Variants in SLX4IP observed in about 807,000 individuals in gnomAD.
SLX4IP encodes protein SLX4IP.
SLX4IP carries 34 observed loss-of-function variants against 32.9 expected under a neutral mutation model. The ratio of observed to expected loss-of-function variants is 1.03; its 90% CI spans 0.79 to 1.38. The LOEUF is 1.38. Ranked by LOEUF, SLX4IP falls within the 40% of genes most tolerant of loss-of-function variation. The pLI, the probability that SLX4IP is intolerant of heterozygous loss-of-function variation, is 0.00. For missense variants in SLX4IP, 444 were observed against 479.0 expected, an observed-to-expected ratio of 0.93 and a Z score of 0.68; for synonymous variants, 172 against 171.7, an observed-to-expected ratio of 1.00 and a Z score of -0.01.
At chr20:10,480,522 G>T (rs761259226) in intron 2 of SLX4IP, among the ~76,000 whole-genome samples, 7 of 152,070 alleles carry the variant, frequency 4.6e-5, no homozygotes, top group Non-Finnish European at 8.8e-5. Flanking sequence ...ATTAAAGGTA[G>T]AAATACTTTT....
At chr20:10,525,942 G>A (rs2065936779) in intron 2 of SLX4IP, among the ~76,000 whole-genome samples, 2 of 152,114 alleles carry the variant, frequency 1.3e-5, no homozygotes, top group African/African-American at 4.8e-5. Context: ...AAGGACTTGG[G>A]GGTCTCCTGA....
chr20:10,475,218 A>T (rs930360713), intron 2 of SLX4IP, among the ~76,000 whole-genome samples: 2 of 152,238 alleles, frequency 1.3e-5, no homozygotes, highest in Admixed American at 6.5e-5. Context: ...TATTGAGGTC[A>T]TGCATAGAAT....
At chr20:10,544,979 T>A (rs2066148106) in intron 2 of SLX4IP, among the ~76,000 whole-genome samples, 1 of 152,128 alleles carries the variant, frequency 6.6e-6, no homozygotes, top group East Asian at 1.9e-4. Context: ...CAGAATCACC[T>A]GGAGGGCTTG....
intron 4 of SLX4IP, among the ~76,000 whole-genome samples, chr20:10,591,583 G>T (rs912194568): frequency 6.6e-6 from 1 of 152,150 alleles, no homozygotes; most frequent in Admixed American, 6.6e-5. Flanking sequence ...TGTTTCTTTT[G>T]TGTATAGTTA....
intron 2 of SLX4IP, among the ~76,000 whole-genome samples, chr20:10,511,692 G>A (rs1011520345): frequency 1.3e-5 from 2 of 152,186 alleles, no homozygotes; most frequent in African/African-American, 4.8e-5. Flanking sequence ...CTTGGAAAAC[G>A]TAAGGACCCA....
intron 2 of SLX4IP, among the ~76,000 whole-genome samples, chr20:10,551,198 T>C (rs1343291475): frequency 2.0e-5 from 3 of 152,332 alleles, no homozygotes; most frequent in South Asian, 2.1e-4. Flanking sequence ...AGGAAAGAGA[T>C]AGGAAAAATA....
chr20:10,608,124 A>T (rs950766430), intron 6 of SLX4IP, among the ~76,000 whole-genome samples: 12 of 152,120 alleles, frequency 7.9e-5, no homozygotes, highest in African/African-American at 2.7e-4. Flanking sequence ...TCCATTGATG[A>T]ACCCTTTGAT....
In SLX4IP at chr20:10,624,193, G is replaced by A. The variant is rs55701046; in HGVS notation, c.*814G>A. 0.18 allele frequency: 26,979 copies of A among 152,216 alleles called. 2,628 individuals carry two copies. Among genetic ancestry groups the A allele is most frequent in the South Asian group, 0.23 (1,090 of 4,814 alleles). 9.4% of individuals were successfully genotyped at this position (152,216 alleles called of 1,614,324 possible). A position where few individuals can be genotyped will look rare whatever the true frequency, so the allele number is the denominator to read the frequency against. On this transcript the variant is annotated 3_prime_UTR_variant, in exon 8 of 8. Coordinates refer to ENST00000334534, the MANE Select transcript of SLX4IP (RefSeq NM_001009608.3). Reference sequence around the variant, plus strand: ...CTTATAATTGTTGAAGTCGATGGGCGATTCTGCCCAACCTTAGGAGAAGAC... The same window carrying A: ...CTTATAATTGTTGAAGTCGATGGGCAATTCTGCCCAACCTTAGGAGAAGAC...
chr20:10,559,732 C>G (rs975583439), intron 3 of SLX4IP, among the ~76,000 whole-genome samples: 9 of 152,106 alleles, frequency 5.9e-5, no homozygotes, highest in African/African-American at 2.2e-4. Flanking sequence ...AACAATTGAC[C>G]TATCCTGAAA....
chr20:10,499,235 C>T (rs1307711374), intron 2 of SLX4IP, among the ~76,000 whole-genome samples: 5 of 152,102 alleles, frequency 3.3e-5, no homozygotes, highest in African/African-American at 1.2e-4. Context: ...AGACACTTGT[C>T]TATCTTTGAA....
intron 2 of SLX4IP, among the ~76,000 whole-genome samples, chr20:10,540,280 G>A (rs1028431076): frequency 3.3e-5 from 5 of 151,298 alleles, no homozygotes; most frequent in African/African-American, 9.7e-5. Context: ...TTAACAAGCC[G>A]TCCTGGTGAA....
chr20:10,494,519 G>A (rs893168635), intron 2 of SLX4IP, among the ~76,000 whole-genome samples: 2 of 151,570 alleles, frequency 1.3e-5, no homozygotes, highest in Non-Finnish European at 2.9e-5. Context: ...TTGAGTTATA[G>A]TTTTCTCTTT....
chr20:10,601,672 C>G, intron 5 of SLX4IP, 59 bp from the exon 6 acceptor site: 1 of 1,423,192 alleles, frequency 7.0e-7, no homozygotes, highest in Non-Finnish European at 9.9e-7. Flanking sequence ...TCTGGAACAA[C>G]CATTCTGTGT....
chr20:10,613,782 T>C, intron 6 of SLX4IP: 1 of 1,613,676 alleles, frequency 6.2e-7, no homozygotes, highest in Non-Finnish European at 8.5e-7. Flanking sequence ...AAGCACAGAC[T>C]CCATGATCTG....
chr20:10,533,302 C>CT (rs1472651984), intron 2 of SLX4IP, among the ~76,000 whole-genome samples: 1 of 152,088 alleles, frequency 6.6e-6, no homozygotes, highest in Non-Finnish European at 1.5e-5. Context: ...TGAAACATCT[C>CT]TTTTTTGTTG....
At chr20:10,489,631 T>A (rs1479191977) in intron 2 of SLX4IP, among the ~76,000 whole-genome samples, 2 of 152,192 alleles carry the variant, frequency 1.3e-5, no homozygotes, top group Non-Finnish European at 2.9e-5. Flanking sequence ...ATATTCCCTC[T>A]CCTCAACGTG....
chr20:10,458,527 C>A (rs535714010), intron 2 of SLX4IP, among the ~76,000 whole-genome samples: 2 of 152,190 alleles, frequency 1.3e-5, no homozygotes, highest in East Asian at 3.9e-4. Context: ...CCCCTTCCCC[C>A]ACAACAGGTC....
At chr20:10,596,260 T>C (rs1300497699) in intron 4 of SLX4IP, among the ~76,000 whole-genome samples, 1 of 152,144 alleles carries the variant, frequency 6.6e-6, no homozygotes, top group Non-Finnish European at 1.5e-5. Flanking sequence ...GGTCTTGCTT[T>C]GTCGCCCAGC....
intron 2 of SLX4IP, among the ~76,000 whole-genome samples, chr20:10,541,733 CAATT>C (rs551952196): frequency 5.9e-5 from 9 of 152,274 alleles, no homozygotes; most frequent in Admixed American, 3.3e-4. Flanking sequence ...TAACTACTCT[CAATT>C]AGTTAATTCC....
Sources: gnomAD v4.1 joint callset for allele counts (sites outside exome capture counted in the v4.1 genomes callset) on GRCh38, gnomAD v4.1.1 for gene constraint, MANE v1.5 for transcripts, NCBI Gene and HGNC (gene_info 2026-07-23, HGNC 2026-07-21) for gene names.